PRAG1: variants seen among roughly 807,000 people sequenced by gnomAD.
The protein encoded by PRAG1 is PEAK1 related, kinase-activating pseudokinase 1.
A neutral mutation model predicts 95.6 loss-of-function variants in PRAG1; 110 were observed. The ratio of observed to expected loss-of-function variants is 1.15; its 90% CI spans 0.99 to 1.35. The LOEUF (loss-of-function observed/expected upper bound fraction) is 1.35, where lower values mean the gene tolerates loss of function less well. Among genes scored for constraint, PRAG1 ranks in the 40% most tolerant of loss-of-function variants. PRAG1 has a pLI of 0.00. For missense variants in PRAG1, 2,554 were observed against 1,864.7 expected, an observed-to-expected ratio of 1.37 and a Z score of -6.81; for synonymous variants, 1,052 against 819.4, an observed-to-expected ratio of 1.28 and a Z score of -4.85.
chr8:8,319,446 A>G, intron 5 of PRAG1, 144 bp from the exon 6 acceptor site: 1 of 529,144 alleles, frequency 1.9e-6, no homozygotes, highest in Non-Finnish European at 3.0e-6. Flanking sequence ...ATGCTAGAAG[A>G]AAACATGGGA....
At chr8:8,329,259 G>A (rs1465665524) in intron 4 of PRAG1, among the ~76,000 whole-genome samples, 1 of 152,028 alleles carries the variant, frequency 6.6e-6, no homozygotes. Flanking sequence ...TGGGGGTGGT[G>A]GTGCGTGCCT....
At chr8:8,357,675 A>G (rs1195583304) in intron 3 of PRAG1, among the ~76,000 whole-genome samples, 1 of 152,212 alleles carries the variant, frequency 6.6e-6, no homozygotes, top group African/African-American at 2.4e-5. Context: ...TGAGCCAACA[A>G]TTCCACTTTG....
At chr8:8,342,260 C>T (rs1431664332) in intron 3 of PRAG1, among the ~76,000 whole-genome samples, 1 of 148,694 alleles carries the variant, frequency 6.7e-6, no homozygotes, top group Non-Finnish European at 1.5e-5. Flanking sequence ...GTGGCACCAT[C>T]TTGGCTCATG....
rs1471332839 is a variant in PRAG1 at position 8,318,744 on chromosome 8, G to A, written c.3631C>T (p.Arg1211Trp). The A allele has an allele frequency of 1.9e-6, 3 of 1,600,696 alleles. No homozygotes were observed. The highest frequency in any genetic ancestry group is 2.3e-5 in the East Asian group (1 of 44,438). Residue 1211 changes from arginine to tryptophan, a missense_variant, in exon 6 of 6, where the codon CGG becomes TGG. Coordinates refer to ENST00000615670, the MANE Select transcript of PRAG1 (RefSeq NM_001080826.3). The surrounding 1 kb of genome is among the most constrained non-coding windows in gnomAD (Gnocchi z 4.2). ...TTCAAAAAGTTGCTGATGATGAGCCGGGGCAGCTGCTTCTCCCGGGGCCCT... is the reference window on the plus strand; with the variant it reads ...TTCAAAAAGTTGCTGATGATGAGCCAGGGCAGCTGCTTCTCCCGGGGCCCT... ...PEGPREKQLP[R>W]LIISNFLKAK...
Position 8,318,966 on chromosome 8 carries a change from T to C in PRAG1, c.3409A>G (p.Lys1137Glu). The C allele has an allele frequency of 6.2e-7, 1 of 1,613,156 alleles. No individual in the cohort carries two copies. Among genetic ancestry groups the C allele is most frequent in the South Asian group, 1.1e-5 (1 of 91,058 alleles). Residue 1137 changes from lysine (K) to glutamate (E), a missense_variant, in exon 6 of 6, where the codon AAG becomes GAG. Lys to Glu is a moderately conservative substitution (Grantham distance 56, BLOSUM62 1). Coordinates refer to ENST00000615670, the MANE Select transcript of PRAG1 (RefSeq NM_001080826.3). The surrounding 1 kb of genome is among the most constrained non-coding windows in gnomAD (Gnocchi z 4.2). The stretch of plus-strand genomic sequence containing the variant: ...TCCCGGTGGATGATCCCGTGCTCCT[T>C]CAGGTGCTCCAGCCCGTTGCAGAGT... ...LQLCNGLEHL[K>E]EHGIIHRDLC...
intron 3 of PRAG1, among the ~76,000 whole-genome samples, chr8:8,347,856 A>C (rs1799396508): frequency 6.7e-6 from 1 of 148,212 alleles, no homozygotes; most frequent in Non-Finnish European, 1.5e-5. Flanking sequence ...TCACTCTGTC[A>C]CCCAGGCTGG....
intron 3 of PRAG1, among the ~76,000 whole-genome samples, chr8:8,365,910 G>T (rs899965064): frequency 6.6e-6 from 1 of 152,086 alleles, no homozygotes; most frequent in East Asian, 1.9e-4. Context: ...AACCCAAGAG[G>T]TGGAGATTGC....
intron 4 of PRAG1, 141 bp downstream of exon 4, chr8:8,339,337 C>A: frequency 2.3e-6 from 2 of 870,522 alleles, no homozygotes; most frequent in Non-Finnish European, 3.4e-6. Context: ...TTCAACAGCT[C>A]CCTGGAAGAG....
At chr8:8,354,490 AG>A (rs1281833163) in intron 3 of PRAG1, among the ~76,000 whole-genome samples, 1 of 152,168 alleles carries the variant, frequency 6.6e-6, no homozygotes, top group African/African-American at 2.4e-5. Context: ...GAAAAGAAAA[AG>A]TACAGGCCAA....
At chr8:8,332,054 C>T (rs2117126288) in intron 4 of PRAG1, among the ~76,000 whole-genome samples, 1 of 152,298 alleles carries the variant, frequency 6.6e-6, no homozygotes, top group East Asian at 1.9e-4. Flanking sequence ...CACGCCCTTG[C>T]CCAGCAGAAG....
intron 5 of PRAG1, 131 bp from the exon 6 acceptor site, chr8:8,319,433 C>G (rs923490937): frequency 1.7e-6 from 1 of 597,740 alleles, no homozygotes; most frequent in African/African-American, 1.9e-5. Context: ...GCAATCCATA[C>G]ACATGCTAGA....
chr8:8,385,105 T>C (rs148811551), intron 1 of PRAG1, among the ~76,000 whole-genome samples: 210 of 152,348 alleles, frequency 1.4e-3, no homozygotes, highest in African/African-American at 4.8e-3. Context: ...TTATGCCTTA[T>C]TCTGAAGTGA....
intron 1 of PRAG1, among the ~76,000 whole-genome samples, chr8:8,383,347 G>A (rs1217493335): frequency 1.3e-5 from 2 of 152,158 alleles, no homozygotes; most frequent in Non-Finnish European, 2.9e-5. Context: ...GAGGCAGGAC[G>A]ATCGCTTGAG....
At chr8:8,382,643 C>T (rs1453881872) in intron 1 of PRAG1, among the ~76,000 whole-genome samples, 1 of 152,164 alleles carries the variant, frequency 6.6e-6, no homozygotes, top group East Asian at 1.9e-4. Flanking sequence ...GGAGAGAAGG[C>T]AATTGGCTTG....
At chr8:8,343,276 G>C (rs1378984638) in intron 3 of PRAG1, among the ~76,000 whole-genome samples, 1 of 152,196 alleles carries the variant, frequency 6.6e-6, no homozygotes, top group Non-Finnish European at 1.5e-5. Context: ...CACTGTTTGT[G>C]AGACTGTAGA....
chr8:8,337,604 G>A (rs990807226), intron 4 of PRAG1, among the ~76,000 whole-genome samples: 1 of 152,168 alleles, frequency 6.6e-6, no homozygotes, highest in South Asian at 2.1e-4. Flanking sequence ...GCTCTCAGGG[G>A]CTAGAGTCCA....
At chr8:8,343,440 G>T (rs1799235702) in intron 3 of PRAG1, among the ~76,000 whole-genome samples, 1 of 152,194 alleles carries the variant, frequency 6.6e-6, no homozygotes, top group Admixed American at 6.5e-5. Context: ...TCACTTGAGT[G>T]GGTCACTAGC....
intron 3 of PRAG1, among the ~76,000 whole-genome samples, chr8:8,371,122 A>G (rs1321515173): frequency 7.7e-6 from 1 of 129,200 alleles, no homozygotes; most frequent in Non-Finnish European, 1.6e-5. Context: ...AGCGACAGAG[A>G]TTCTGTCTCA....
intron 3 of PRAG1, among the ~76,000 whole-genome samples, chr8:8,361,450 C>T (rs988025440): frequency 6.6e-6 from 1 of 152,010 alleles, no homozygotes; most frequent in Non-Finnish European, 1.5e-5. Flanking sequence ...GGGGAGGTGG[C>T]AGTGGGTTAT....
Sources: allele counts gnomAD v4.1 joint callset (sites outside exome capture counted in the v4.1 genomes callset), GRCh38; gene constraint gnomAD v4.1.1; non-coding constraint Gnocchi (gnomAD v3.1); transcripts MANE v1.5; gene names NCBI Gene and HGNC (gene_info 2026-07-23, HGNC 2026-07-21).